Variants in HOOK3 observed in about 807,000 individuals in gnomAD.
HOOK3 encodes the protein hook microtubule tethering protein 3.
Under a neutral mutation model 116.3 loss-of-function variants are expected in HOOK3, and 24 were observed. The ratio of observed to expected loss-of-function variants is 0.21; its 90% CI spans 0.15 to 0.29. HOOK3 has a LOEUF of 0.29. HOOK3 is among the 10% of genes least tolerant of loss of function. The pLI, the probability that HOOK3 is intolerant of heterozygous loss-of-function variation, is 1.00. For missense variants in HOOK3, 632 were observed against 830.2 expected (o/e 0.76, Z 2.93); for synonymous variants, 275 against 283.0 (o/e 0.97, Z 0.28).
intron 2 of HOOK3, among the ~76,000 whole-genome samples, chr8:42,924,876 G>T (rs1274272848): frequency 6.6e-6 from 1 of 151,740 alleles, no homozygotes; most frequent in Non-Finnish European, 1.5e-5. Context: ...GGGAGGCTGA[G>T]GCGGGAGAAT....
intron 8 of HOOK3, among the ~76,000 whole-genome samples, chr8:42,962,787 C>CTTA (rs754510198): frequency 1.7e-4 from 21 of 125,628 alleles, no homozygotes; most frequent in African/African-American, 7.7e-4. Context: ...TTTGGTCTGA[C>CTTA]TTCTTCTTCT....
chr8:42,946,763 C>CTTTTTTTTTTTTTTTTTTTTTT lies in HOOK3; in HGVS notation c.400+3339_400+3340insTTTTTTTTTTTTTTTTTTTTTT. ...TTATCATACCATTTTCTCTTTCTTT[C>CTTTTTTTTTTTTTTTTTTTTTT]TTTTTTTTTTTTTTTTTTTTTCTGG... On this transcript the variant is annotated intron_variant, in intron 5 of 21. Coordinates refer to ENST00000307602, the MANE Select transcript of HOOK3 (RefSeq NM_032410.4). Among the ~76,000 whole-genome samples, 2 of 73,956 alleles carry CTTTTTTTTTTTTTTTTTTTTTT rather than the reference C, an allele frequency of 2.7e-5. 1 individual carries two copies. The highest frequency in any genetic ancestry group is 4.9e-5 in the Non-Finnish European group (2 of 40,588). The allele number at this position is 73,956 out of a possible 152,430, so 48.5% of individuals were successfully genotyped here.
chr8:42,942,218 C>T (rs1808141358), intron 4 of HOOK3, among the ~76,000 whole-genome samples: 2 of 152,172 alleles, frequency 1.3e-5, no homozygotes, highest in East Asian at 3.8e-4. Flanking sequence ...TGCCATTGCA[C>T]TCCAGCCTGG....
chr8:42,907,385 A>G (rs192391762), intron 2 of HOOK3, among the ~76,000 whole-genome samples: 361 of 152,250 alleles, frequency 2.4e-3, no homozygotes, highest in African/African-American at 8.5e-3. Flanking sequence ...ACTTTCTTCT[A>G]TAACTTAAAA....
intron 19 of HOOK3, among the ~76,000 whole-genome samples, chr8:43,010,872 A>G (rs971901795): frequency 5.3e-5 from 8 of 152,200 alleles, no homozygotes; most frequent in Non-Finnish European, 1.0e-4. Context: ...CTGTCATGAA[A>G]ACAAGAACAG....
intron 4 of HOOK3, among the ~76,000 whole-genome samples, chr8:42,935,307 T>C (rs942162948): frequency 6.6e-5 from 10 of 152,306 alleles, no homozygotes; most frequent in African/African-American, 2.4e-4. Flanking sequence ...GTCAGATGGA[T>C]AGATTGCAGA....
At chr8:42,906,345 G>T in intron 2 of HOOK3, 87 bp downstream of exon 2, 1 of 932,672 alleles carries the variant, frequency 1.1e-6, no homozygotes, top group Non-Finnish European at 1.7e-6. Flanking sequence ...GTACTTACAT[G>T]AAACGTGTGT....
chr8:43,009,207 C>T (rs1809555311), intron 18 of HOOK3, among the ~76,000 whole-genome samples: 1 of 151,818 alleles, frequency 6.6e-6, no homozygotes, highest in South Asian at 2.1e-4. Flanking sequence ...GAGTTTGAGA[C>T]CAGCCTGGGC....
At chr8:42,943,592 T>C (rs1808169741) in intron 5 of HOOK3, 147 bp downstream of exon 5, 2 of 459,048 alleles carry the variant, frequency 4.4e-6, no homozygotes, top group East Asian at 7.6e-5. Context: ...GTTTTACTAG[T>C]AATTTGTTTT....
intron 5 of HOOK3, among the ~76,000 whole-genome samples, chr8:42,946,247 T>G (rs1808223127): frequency 6.6e-6 from 1 of 152,156 alleles, no homozygotes; most frequent in African/African-American, 2.4e-5. Context: ...AGGTGAGTGT[T>G]CCTCAGCTGC....
chr8:42,907,722 A>G (rs1277638478), intron 2 of HOOK3, among the ~76,000 whole-genome samples: 1 of 149,094 alleles, frequency 6.7e-6, no homozygotes, highest in African/African-American at 2.5e-5. Flanking sequence ...GAAAGTATAT[A>G]TATATATTGT....
chr8:42,898,457 G>T (rs1055131352), intron 1 of HOOK3, among the ~76,000 whole-genome samples: 1 of 152,202 alleles, frequency 6.6e-6, no homozygotes, highest in African/African-American at 2.4e-5. Context: ...CTGGTAAGTT[G>T]TATAATGTGG....
chr8:42,995,199 A>G (rs1356725017), intron 15 of HOOK3, among the ~76,000 whole-genome samples: 1 of 152,216 alleles, frequency 6.6e-6, no homozygotes, highest in Non-Finnish European at 1.5e-5. Flanking sequence ...TAATTTAAGT[A>G]AAAGCATTTC....
chr8:43,013,219 T>C, intron 20 of HOOK3, 64 bp downstream of exon 20: 5 of 1,434,000 alleles, frequency 3.5e-6, no homozygotes, highest in South Asian at 1.3e-5. Context: ...GGAGCCTTGT[T>C]ATATTTTACA....
chr8:42,983,929 T>C (rs1421152434), intron 14 of HOOK3, among the ~76,000 whole-genome samples: 3 of 152,238 alleles, frequency 2.0e-5, no homozygotes, highest in Non-Finnish European at 4.4e-5. Flanking sequence ...AAATGGACAC[T>C]GGCCTTGCTT....
rs568079760 is a variant in HOOK3, at chr8:42,997,951, C to CA, written c.1620+324dup. On this transcript the variant is annotated intron_variant, in intron 16 of 21. Coordinates refer to ENST00000307602, the MANE Select transcript of HOOK3 (RefSeq NM_032410.4). ...AAGTGTAGGGTTTTTCCCCTTTGGC[C>CA]AAAAAAAAAATTGCTAGTGGGAATT... 4.9e-3 allele frequency: 1,093 copies of CA among 223,648 alleles called. 2 individuals are homozygous for CA. The highest frequency in any genetic ancestry group is 0.017 in the South Asian group (286 of 17,282). 13.9% of individuals were successfully genotyped at this position (223,648 alleles called of 1,614,324 possible). A position where few individuals can be genotyped will look rare whatever the true frequency, so the allele number is the denominator to read the frequency against.
chr8:42,966,412 TC>T (rs1808633722), intron 9 of HOOK3, 60 bp from the exon 10 acceptor site: 1 of 1,563,206 alleles, frequency 6.4e-7, no homozygotes, highest in African/African-American at 1.4e-5. Context: ...CTTTTACTGT[TC>T]TAAGGAGAAT....
intron 3 of HOOK3, among the ~76,000 whole-genome samples, chr8:42,927,018 C>T (rs917155965): frequency 6.6e-5 from 10 of 152,114 alleles, no homozygotes; most frequent in African/African-American, 1.4e-4. Flanking sequence ...GAGAAACCTG[C>T]GACCATTTCT....
At chr8:42,981,723 C>T (rs1337303669) in intron 13 of HOOK3, among the ~76,000 whole-genome samples, 2 of 147,102 alleles carry the variant, frequency 1.4e-5, no homozygotes, top group Non-Finnish European at 3.0e-5. Context: ...ATCTCTACTA[C>T]AAATGCAAAA....
Sources: allele counts gnomAD v4.1 joint callset (sites outside exome capture counted in the v4.1 genomes callset), GRCh38; gene constraint gnomAD v4.1.1; transcripts MANE v1.5; gene names NCBI Gene and HGNC (gene_info 2026-07-23, HGNC 2026-07-21).